The following GRB10 variants were observed in gnomAD, a reference collection of about 807,000 sequenced individuals.
The protein encoded by GRB10 is growth factor receptor bound protein 10, also known as growth factor receptor-bound protein 10.
A neutral mutation model predicts 80.9 loss-of-function variants in GRB10; 20 were observed. The observed-to-expected ratio is 0.25, with a 90% CI of 0.17 to 0.36. GRB10 has a LOEUF of 0.36. Ranked by LOEUF, GRB10 falls within the 10% of genes least tolerant of loss-of-function variation. The pLI, the probability that GRB10 is intolerant of heterozygous loss-of-function variation, is 1.00. For missense variants in GRB10, 548 were observed against 747.7 expected (o/e 0.73, Z 3.12); for synonymous variants, 291 against 291.5 (o/e 1.00, Z 0.02).
chr7:50,706,798 G>A (rs928154573), intron 4 of GRB10, among the ~76,000 whole-genome samples: 8 of 152,104 alleles, frequency 5.3e-5, no homozygotes, highest in African/African-American at 7.2e-5. Context: ...ATCAGCTAAG[G>A]GTTTGGGGCC....
chr7:50,627,219 C>A (rs996357994), intron 7 of GRB10, among the ~76,000 whole-genome samples: 3 of 152,126 alleles, frequency 2.0e-5, no homozygotes, highest in African/African-American at 7.2e-5. Flanking sequence ...TCTTAAAATG[C>A]CCAGGACAAC....
intron 2 of GRB10, among the ~76,000 whole-genome samples, chr7:50,756,370 T>C (rs2075089455): frequency 6.6e-6 from 1 of 152,196 alleles, no homozygotes; most frequent in Non-Finnish European, 1.5e-5. Context: ...CACAGACCTT[T>C]GCCCTCTTGC....
intron 3 of GRB10, among the ~76,000 whole-genome samples, chr7:50,751,526 A>C (rs2074106941): frequency 1.3e-5 from 2 of 152,264 alleles, no homozygotes; most frequent in African/African-American, 4.8e-5. Context: ...TAGGAAATGC[A>C]AGCAATCTAT....
upstream of GRB10, among the ~76,000 whole-genome samples, chr7:50,783,115 G>A (rs1401378175): frequency 6.6e-6 from 1 of 152,210 alleles, no homozygotes; most frequent in Non-Finnish European, 1.5e-5. Context: ...CCGCTACGCC[G>A]CATTCGCAGA....
intron 2 of GRB10, chr7:50,779,612 G>A (rs559443112): frequency 2.0e-5 from 3 of 152,182 alleles, no homozygotes; most frequent in East Asian, 1.9e-4. Context: ...AATGACAGGC[G>A]GGGTCCCTTG....
chr7:50,699,906 C>A (rs901649278), intron 5 of GRB10, among the ~76,000 whole-genome samples: 2 of 152,000 alleles, frequency 1.3e-5, no homozygotes, highest in African/African-American at 4.8e-5. Flanking sequence ...GAGGCCGAGG[C>A]GGGCAGATCA....
At chr7:50,686,027 C>T (rs2062068549) in intron 5 of GRB10, among the ~76,000 whole-genome samples, 1 of 152,182 alleles carries the variant, frequency 6.6e-6, no homozygotes, top group South Asian at 2.1e-4. Context: ...TGAGATGCAC[C>T]TGGCATTCTG....
chr7:50,790,218 A>C (rs1241715594), intron 1 of GRB10, among the ~76,000 whole-genome samples: 1 of 152,262 alleles, frequency 6.6e-6, no homozygotes, highest in African/African-American at 2.4e-5. Context: ...TGAATGGATC[A>C]GACCAGTTAT....
intron 5 of GRB10, among the ~76,000 whole-genome samples, chr7:50,684,288 A>AAAAAAAAT (rs11409575): frequency 6.8e-6 from 1 of 148,100 alleles, no homozygotes; most frequent in Non-Finnish European, 1.5e-5. Flanking sequence ...AAAAAAAAAA[A>AAAAAAAAT]GGTAAGGTAA....
In GRB10 at chr7:50,722,228, T is replaced by C. The variant is rs139595984; in HGVS notation, c.51+10044A>G. Among the ~76,000 whole-genome samples the C allele has an allele frequency of 6.4e-4, 97 of 152,256 alleles. 5 individuals carry two copies. The South Asian group carries it at 9.3e-3, about 15-fold the overall frequency. ...AGCCCCTCTGCCCTGCCCACTCTCATGCCCACTCAGGAGGCCAAGGACTGG... is the reference window on the plus strand; with the variant it reads ...AGCCCCTCTGCCCTGCCCACTCTCACGCCCACTCAGGAGGCCAAGGACTGG... On this transcript the variant is annotated intron_variant, in intron 4 of 18. Coordinates refer to ENST00000401949, the MANE Select transcript of GRB10 (RefSeq NM_001350814.2).
intron 5 of GRB10, among the ~76,000 whole-genome samples, chr7:50,677,338 G>A (rs541765797): frequency 6.6e-6 from 1 of 152,316 alleles, no homozygotes; most frequent in East Asian, 1.9e-4. Flanking sequence ...GAGGTGGGGT[G>A]GGGAAGAGTT....
rs138371432 is a variant in GRB10, at chr7:50,645,140, G to A, written c.505-18162C>T. Among the ~76,000 whole-genome samples the A allele has an allele frequency of 3.4e-3, 510 of 152,162 alleles. 3 individuals are homozygous for A. Among genetic ancestry groups the A allele is most frequent in the African/African-American group, 0.011 (439 of 41,518 alleles). ...ATAAAATTTTCACCCTCAAAATCCC[G>A]ATTTATCTCCAAAATATATTTGCTA... On this transcript the variant is annotated intron_variant, in intron 7 of 18. Transcript: ENST00000401949.
chr7:50,592,762 TG>T lies in GRB10; in HGVS notation c.*189del. On this transcript the variant is annotated 3_prime_UTR_variant, in exon 19 of 19. Coordinates refer to ENST00000401949, the MANE Select transcript of GRB10 (RefSeq NM_001350814.2). Reference sequence around the variant, plus strand: ...CCGATGCAGAGGGAGGCGACCCTGCTGGGTTCACAGCAGCAAATCGTCGTTT... The same window carrying T: ...CCGATGCAGAGGGAGGCGACCCTGCTGGTTCACAGCAGCAAATCGTCGTTT... 2 of 668,784 alleles carry T rather than the reference TG, an allele frequency of 3.0e-6. No individual in the cohort carries two copies. The highest frequency in any genetic ancestry group is 5.2e-6 in the Non-Finnish European group (2 of 384,752). The allele number at this position is 668,784 out of a possible 1,614,324, so 41.4% of individuals were successfully genotyped here.
In GRB10 at chr7:50,606,587, A is replaced by G. The variant is rs528102377; in HGVS notation, c.1195-173T>C. 285 of 641,142 alleles carry G rather than the reference A, an allele frequency of 4.4e-4. 1 individual carries two copies. Among genetic ancestry groups the G allele is most frequent in the Middle Eastern group, 4.1e-3 (10 of 2,436 alleles). The allele number at this position is 641,142 out of a possible 1,614,324, so 39.7% of individuals were successfully genotyped here. On this transcript the variant is annotated intron_variant, in intron 13 of 18. Coordinates refer to ENST00000401949, the MANE Select transcript of GRB10 (RefSeq NM_001350814.2). ...CCTGATCAACACAGGGATTAGGAGCAATGACGCCCCTTGAAATAAAAAATC... is the reference window on the plus strand; with the variant it reads ...CCTGATCAACACAGGGATTAGGAGCGATGACGCCCCTTGAAATAAAAAATC...
At chr7:50,753,144 T>A (rs2074434565) in intron 3 of GRB10, among the ~76,000 whole-genome samples, 1 of 152,160 alleles carries the variant, frequency 6.6e-6, no homozygotes, top group African/African-American at 2.4e-5. Context: ...GATTCCCACC[T>A]CAGGCCCCAC....
intron 13 of GRB10, 131 bp from the exon 14 acceptor site, chr7:50,606,545 G>T: frequency 1.4e-6 from 1 of 729,252 alleles, no homozygotes. Flanking sequence ...GCCTCCAGGA[G>T]CCTGAGTGCC....
intron 7 of GRB10, among the ~76,000 whole-genome samples, chr7:50,663,614 G>A (rs1188516183): frequency 3.3e-5 from 5 of 152,356 alleles, no homozygotes; most frequent in African/African-American, 9.6e-5. Flanking sequence ...CTGCTGACTG[G>A]AGCCACGTGT....
intron 7 of GRB10, among the ~76,000 whole-genome samples, chr7:50,647,921 T>A (rs932857389): frequency 3.9e-5 from 6 of 152,070 alleles, no homozygotes; most frequent in Non-Finnish European, 1.5e-5. Context: ...AGATGGGAAT[T>A]TGGAGGTATC....
chr7:50,747,639 A>AGGGCAGCTCCATGGGACCC (rs1455842444), intron 3 of GRB10: 2 of 152,208 alleles, frequency 1.3e-5, no homozygotes, highest in East Asian at 3.9e-4. Context: ...AGCATGGAGC[A>AGGGCAGCTCCATGGGACCC]GGGCAGCTCC....
Sources: allele counts gnomAD v4.1 joint callset (sites outside exome capture counted in the v4.1 genomes callset), GRCh38; gene constraint gnomAD v4.1.1; transcripts MANE v1.5; gene names NCBI Gene and HGNC (gene_info 2026-07-23, HGNC 2026-07-21).